Variants in WDPCP observed in about 807,000 individuals in gnomAD.
The protein encoded by WDPCP is WD repeat-containing and planar cell polarity effector protein fritz homolog.
In WDPCP, 71 loss-of-function variants were observed where a neutral mutation model predicts 93.1. The ratio of observed to expected loss-of-function variants is 0.76; its 90% CI spans 0.63 to 0.93. The LOEUF (loss-of-function observed/expected upper bound fraction) is 0.93. Ranked by LOEUF, WDPCP falls within the 40% of genes least tolerant of loss-of-function variation. The pLI is 0.00. For synonymous variants in WDPCP, 315 were observed against 315.0 expected (o/e 1.00, Z 0.00); for missense variants, 844 against 887.4 (o/e 0.95, Z 0.62).
chr2:63,794,822 T>C (rs2104014018), intron 2 of WDPCP, among the ~76,000 whole-genome samples: 1 of 152,352 alleles, frequency 6.6e-6, no homozygotes, highest in East Asian at 1.9e-4. Flanking sequence ...AGGTGCACCA[T>C]TTGGCTTTCT....
intron 3 of WDPCP, among the ~76,000 whole-genome samples, chr2:63,636,953 G>A (rs548457288): frequency 3.9e-5 from 6 of 152,264 alleles, no homozygotes; most frequent in East Asian, 1.9e-4. Flanking sequence ...TGTAAAACTC[G>A]AAATTGTAAA....
chr2:63,513,210 T>C (rs990984689), intron 1 of WDPCP, among the ~76,000 whole-genome samples: 2 of 152,234 alleles, frequency 1.3e-5, no homozygotes, highest in African/African-American at 2.4e-5. Context: ...AAGGCAATTA[T>C]TTACTGCAGA....
chr2:63,305,422 G>C (rs1042720181), intron 13 of WDPCP, among the ~76,000 whole-genome samples: 1 of 152,138 alleles, frequency 6.6e-6, no homozygotes, highest in African/African-American at 2.4e-5. Context: ...GCCTCTGCTG[G>C]TGATACCCAG....
intron 2 of WDPCP, among the ~76,000 whole-genome samples, chr2:63,658,018 G>C (rs1048494731): frequency 9.2e-5 from 14 of 152,016 alleles, no homozygotes; most frequent in African/African-American, 3.4e-4. Flanking sequence ...TTTCCTTCTA[G>C]AAGATAAAGG....
At chr2:63,733,293 G>A (rs892993310) in intron 2 of WDPCP, among the ~76,000 whole-genome samples, 12 of 143,892 alleles carry the variant, frequency 8.3e-5, no homozygotes, top group African/African-American at 2.6e-4. Context: ...TCCGCTTCCC[G>A]GGTTCACGCC....
chr2:63,269,087 C>G (rs1682410036), intron 13 of WDPCP, among the ~76,000 whole-genome samples: 1 of 151,710 alleles, frequency 6.6e-6, no homozygotes, highest in African/African-American at 2.4e-5. Context: ...AATGTCATAT[C>G]ACAAGTCTAA....
chr2:63,707,656 TC>T (rs549537453), intron 2 of WDPCP, among the ~76,000 whole-genome samples: 1 of 152,242 alleles, frequency 6.6e-6, no homozygotes, highest in Non-Finnish European at 1.5e-5. Flanking sequence ...CCAGCTTTGT[TC>T]CGTTGCTGGT....
At chr2:63,162,394 T>C (rs961811234) in intron 15 of WDPCP, among the ~76,000 whole-genome samples, 5 of 152,236 alleles carry the variant, frequency 3.3e-5, no homozygotes, top group African/African-American at 1.2e-4. Flanking sequence ...GATCTGGACA[T>C]TTCTGTAACA....
rs539570794 is a variant in WDPCP, at chr2:63,540,573, T to C, written c.75+47624A>G. On this transcript the variant is annotated intron_variant, in intron 1 of 17. Coordinates refer to ENST00000272321, the MANE Select transcript of WDPCP (RefSeq NM_015910.7). The stretch of plus-strand genomic sequence containing the variant: ...GATACTAATGATGTGCCAGAAAATA[T>C]ATGAGACTGTTTTATATTATATGTG... Among the ~76,000 whole-genome samples, 136 of 152,342 alleles carry C rather than the reference T, an allele frequency of 8.9e-4. 1 individual carries two copies. The highest frequency in any genetic ancestry group is 1.8e-3 in the Non-Finnish European group (125 of 68,030).
At chr2:63,337,535 C>T (rs1479584328) in intron 12 of WDPCP, among the ~76,000 whole-genome samples, 1 of 152,124 alleles carries the variant, frequency 6.6e-6, no homozygotes, top group Admixed American at 6.5e-5. Context: ...AGTAAAATGG[C>T]TGAATTATAT....
intron 14 of WDPCP, among the ~76,000 whole-genome samples, chr2:63,182,774 C>CTTTT (rs531449446): frequency 1.1e-5 from 1 of 92,246 alleles, no homozygotes; most frequent in Non-Finnish European, 2.3e-5. Flanking sequence ...TGGCCCTGGA[C>CTTTT]TTTTTTTTTT....
chr2:63,136,042 G>A (rs1198702966), intron 17 of WDPCP, among the ~76,000 whole-genome samples: 1 of 152,180 alleles, frequency 6.6e-6, no homozygotes, highest in Non-Finnish European at 1.5e-5. Context: ...AAGGAAATCT[G>A]AGGGACATAC....
chr2:63,604,867 G>C, intron 3 of WDPCP: 1 of 1,614,052 alleles, frequency 6.2e-7, no homozygotes, highest in Non-Finnish European at 8.5e-7. Context: ...GGGAGAATTT[G>C]TCACGGTAAG....
chr2:63,705,564 T>C (rs1381297042), intron 2 of WDPCP, among the ~76,000 whole-genome samples: 15 of 152,338 alleles, frequency 9.8e-5, no homozygotes, highest in Non-Finnish European at 1.8e-4. Context: ...TACCAAGTAG[T>C]CATTCAGGAG....
At chr2:63,526,247 T>G (rs1354361350) in intron 1 of WDPCP, among the ~76,000 whole-genome samples, 1 of 152,220 alleles carries the variant, frequency 6.6e-6, no homozygotes, top group East Asian at 1.9e-4. Flanking sequence ...TTCTTGTGTG[T>G]CATTTTGAGT....
intron 2 of WDPCP, among the ~76,000 whole-genome samples, chr2:63,682,972 A>G (rs1668740798): frequency 6.6e-6 from 1 of 152,228 alleles, no homozygotes; most frequent in Non-Finnish European, 1.5e-5. Context: ...AGTTTTTATT[A>G]GTTTTCTCTT....
chr2:63,413,568 C>T (rs555874133), intron 9 of WDPCP, among the ~76,000 whole-genome samples: 5 of 152,064 alleles, frequency 3.3e-5, no homozygotes, highest in South Asian at 2.1e-4. Context: ...GAGGCCGAGA[C>T]GAGCGGATCA....
intron 12 of WDPCP, among the ~76,000 whole-genome samples, chr2:63,360,667 C>T (rs929262278): frequency 6.6e-6 from 1 of 152,214 alleles, no homozygotes; most frequent in Non-Finnish European, 1.5e-5. Flanking sequence ...CTGCAAATTG[C>T]TTTCAGCTAA....
At chr2:63,599,180 T>G (rs765963966) in intron 3 of WDPCP, 1 of 1,613,670 alleles carries the variant, frequency 6.2e-7, no homozygotes, top group Non-Finnish European at 8.5e-7. Flanking sequence ...GTTATTGTTG[T>G]GGGTAATCCA....
Sources: allele counts gnomAD v4.1 joint callset (sites outside exome capture counted in the v4.1 genomes callset), GRCh38; gene constraint gnomAD v4.1.1; transcripts MANE v1.5; gene names NCBI Gene and HGNC (gene_info 2026-07-23, HGNC 2026-07-21).